GUCY1A2: variants seen among roughly 807,000 people sequenced by gnomAD.
GUCY1A2 encodes guanylate cyclase soluble subunit alpha-2.
Under a neutral mutation model 63.5 loss-of-function variants are expected in GUCY1A2, and 27 were observed. The ratio of observed to expected loss-of-function variants is 0.43; its 90% confidence interval spans 0.31 to 0.59. The LOEUF is 0.59. Among genes scored for constraint, GUCY1A2 ranks in the 20% least tolerant of loss-of-function variants. The pLI is 0.11. For synonymous variants in GUCY1A2, 364 were observed against 343.5 expected, an observed-to-expected ratio of 1.06 and a Z score of -0.66; for missense variants, 768 against 913.3, an observed-to-expected ratio of 0.84 and a Z score of 2.05.
At chr11:106,821,516 G>A (rs988818102) in intron 4 of GUCY1A2, among the ~76,000 whole-genome samples, 45 of 152,242 alleles carry the variant, frequency 3.0e-4, no homozygotes, top group Middle Eastern at 3.4e-3. Flanking sequence ...TGGGAGATGT[G>A]GGTTCTATTT....
chr11:106,799,410 T>G (rs1026196702), intron 5 of GUCY1A2, among the ~76,000 whole-genome samples: 6 of 152,140 alleles, frequency 3.9e-5, no homozygotes, highest in African/African-American at 1.4e-4. Flanking sequence ...AAAGTTCATA[T>G]GGAACCAAAA....
intron 6 of GUCY1A2, 119 bp from the exon 7 acceptor site, chr11:106,708,785 A>G (rs1446210158): frequency 6.8e-6 from 4 of 587,072 alleles, no homozygotes; most frequent in Admixed American, 3.9e-5. Context: ...TGAGCTCCTC[A>G]AAGACAGGAA....
chr11:106,809,529 A>G (rs1421083609), intron 5 of GUCY1A2, among the ~76,000 whole-genome samples: 1 of 152,116 alleles, frequency 6.6e-6, no homozygotes, highest in African/African-American at 2.4e-5. Flanking sequence ...TTTTTTTAGA[A>G]TTAAAGAGAT....
rs1170799470 is a variant in GUCY1A2, at chr11:106,979,918, A to G, written c.366-1178T>C. Reference sequence around the variant, plus strand: ...GGAGTTGGCCTAGGAAGAGAGTGCTATGGTACTTTTCCCCCTCCCCTCCTA... The same window carrying G: ...GGAGTTGGCCTAGGAAGAGAGTGCTGTGGTACTTTTCCCCCTCCCCTCCTA... On this transcript the variant is annotated intron_variant, in intron 2 of 7. Transcript: ENST00000526355. 2.6e-5 allele frequency among the ~76,000 whole-genome samples: 4 copies of G among 152,230 alleles called. 1 individual carries two copies. Among genetic ancestry groups the G allele is most frequent in the Admixed American group, 6.5e-5 (1 of 15,284 alleles).
chr11:106,854,908 T>G (rs1281214541), intron 4 of GUCY1A2, among the ~76,000 whole-genome samples: 4 of 152,102 alleles, frequency 2.6e-5, no homozygotes, highest in Non-Finnish European at 5.9e-5. Flanking sequence ...TATCACCTGT[T>G]CCCCAGGGTG....
intron 4 of GUCY1A2, among the ~76,000 whole-genome samples, chr11:106,859,377 A>C (rs1286483904): frequency 6.6e-6 from 1 of 151,974 alleles, no homozygotes; most frequent in Admixed American, 6.6e-5. Flanking sequence ...ATCCATGCTT[A>C]ATTTATGTAT....
At chr11:106,854,026 G>A (rs965288575) in intron 4 of GUCY1A2, among the ~76,000 whole-genome samples, 2 of 152,224 alleles carry the variant, frequency 1.3e-5, no homozygotes, top group African/African-American at 2.4e-5. Context: ...CATGAGTGAT[G>A]TTGCTGGTAA....
Position 106,911,236 on chromosome 11 carries a change from C to CCCA in GUCY1A2, c.1206+28221_1206+28223dup, listed in dbSNP as rs1860289637. On this transcript the variant is annotated intron_variant, in intron 4 of 7. Coordinates refer to ENST00000526355, the MANE Select transcript of GUCY1A2 (RefSeq NM_000855.3). ...AAATGCATTAAAAATGTTTAAAGTT[C>CCCA]CCACAATAGCCACTTCTACTGAAGA... Among the ~76,000 whole-genome samples the CCCA allele has an allele frequency of 3.3e-5, 5 of 152,070 alleles. No individual in the cohort carries two copies. The South Asian group carries it at 1.0e-3, about 32-fold the overall frequency.
intron 4 of GUCY1A2, among the ~76,000 whole-genome samples, chr11:106,841,792 C>T (rs76630162): frequency 0.018 from 2,678 of 152,070 alleles, 79 homozygotes; most frequent in African/African-American, 0.061. Flanking sequence ...TATACATACA[C>T]ACATAAGTGT....
chr11:106,807,998 G>A (rs994817409), intron 5 of GUCY1A2, among the ~76,000 whole-genome samples: 4 of 152,112 alleles, frequency 2.6e-5, no homozygotes, highest in Admixed American at 2.0e-4. Context: ...TTTGGAACTC[G>A]GACTGGCTTC....
At chr11:106,749,834 C>G (rs1372488454) in intron 6 of GUCY1A2, among the ~76,000 whole-genome samples, 2 of 152,046 alleles carry the variant, frequency 1.3e-5, no homozygotes, top group East Asian at 3.9e-4. Context: ...GACCTTATCT[C>G]AGATTCTTGA....
At chr11:106,876,338 C>T (rs181434895) in intron 4 of GUCY1A2, among the ~76,000 whole-genome samples, 105 of 152,036 alleles carry the variant, frequency 6.9e-4, no homozygotes, top group African/African-American at 2.4e-3. Flanking sequence ...GAATTGACAA[C>T]CATCACTATG....
intron 5 of GUCY1A2, among the ~76,000 whole-genome samples, chr11:106,800,421 A>G (rs1463287907): frequency 6.6e-6 from 1 of 152,206 alleles, no homozygotes; most frequent in Non-Finnish European, 1.5e-5. Flanking sequence ...TCATGCTGCT[A>G]TAAAGACACA....
intron 5 of GUCY1A2, among the ~76,000 whole-genome samples, chr11:106,803,417 A>G (rs1322804575): frequency 2.0e-5 from 3 of 152,234 alleles, no homozygotes; most frequent in Admixed American, 6.5e-5. Flanking sequence ...TTGGCATACA[A>G]TGCAATTCTA....
intron 6 of GUCY1A2, among the ~76,000 whole-genome samples, chr11:106,709,304 TA>T (rs1164803319): frequency 3.7e-5 from 3 of 81,538 alleles, no homozygotes; most frequent in African/African-American, 1.9e-4. Flanking sequence ...TATATTTTTA[TA>T]TTTATATATA....
At chr11:106,827,964 G>C (rs1383260399) in intron 4 of GUCY1A2, 3 of 909,968 alleles carry the variant, frequency 3.3e-6, no homozygotes, top group Non-Finnish European at 5.3e-6. Context: ...AGAGGAAGCA[G>C]CCGCGAGGCG....
rs1862399374 is a variant in GUCY1A2, at chr11:106,679,622, A to G, written c.*7927T>C. 9.5e-6 allele frequency: 2 copies of G among 211,530 alleles called. No individual in the cohort carries two copies. The highest frequency in any genetic ancestry group is 2.3e-5 in the African/African-American group (1 of 44,076). 13.1% of individuals were successfully genotyped at this position (211,530 alleles called of 1,614,324 possible). A position where few individuals can be genotyped will look rare whatever the true frequency, so the allele number is the denominator to read the frequency against. ...GACAAAAGTATATTCTTCTCACTGA[A>G]TGCTAGCTCAGCCAGGCATGTTATA... On this transcript the variant is annotated 3_prime_UTR_variant, in exon 8 of 8. Transcript: ENST00000526355.
At chr11:106,869,247 A>G (rs1394943613) in intron 4 of GUCY1A2, among the ~76,000 whole-genome samples, 2 of 152,322 alleles carry the variant, frequency 1.3e-5, no homozygotes, top group African/African-American at 4.8e-5. Flanking sequence ...CAAATGCCAA[A>G]ATTGACAAAT....
chr11:106,900,287 G>C (rs1025838008), intron 4 of GUCY1A2, among the ~76,000 whole-genome samples: 1 of 152,034 alleles, frequency 6.6e-6, no homozygotes, highest in Non-Finnish European at 1.5e-5. Context: ...GGGCTCCAGA[G>C]AGCCTCCTAC....
Sources: allele counts gnomAD v4.1 joint callset (sites outside exome capture counted in the v4.1 genomes callset), GRCh38; gene constraint gnomAD v4.1.1; transcripts MANE v1.5; gene names NCBI Gene and HGNC (gene_info 2026-07-23, HGNC 2026-07-21).